SGF29: variants seen among roughly 807,000 people sequenced by gnomAD.
SGF29 encodes the protein SAGA complex associated factor 29, also known as SAGA-associated factor 29.
In SGF29, 15 loss-of-function variants were observed where a neutral mutation model predicts 38.1. That is an observed-to-expected ratio of 0.39 (90% CI 0.26 to 0.61). The LOEUF (loss-of-function observed/expected upper bound fraction) is 0.61. Ranked by LOEUF, SGF29 falls within the 20% of genes least tolerant of loss-of-function variation. The probability of loss-of-function intolerance (pLI) is 0.49; values close to 1 mark genes in which losing one functional copy is unlikely to be tolerated. For synonymous variants in SGF29, 151 were observed against 160.8 expected (o/e 0.94, Z 0.46); for missense variants, 184 against 394.6 (o/e 0.47, Z 4.52).
chr16:28,585,058 C>CACCTCGGTCACA, intron 3 of SGF29, 70 bp downstream of exon 3: 1 of 1,185,834 alleles, frequency 8.4e-7, no homozygotes, highest in Non-Finnish European at 1.2e-6. Context: ...AGACTGTGAC[C>CACCTCGGTCACA]GAGGTGGTCA....
At chr16:28,555,229 C>G (rs1464351267) in intron 1 of SGF29, among the ~76,000 whole-genome samples, 2 of 151,858 alleles carry the variant, frequency 1.3e-5, no homozygotes, top group Non-Finnish European at 2.9e-5. Context: ...TTTGGGAGGC[C>G]GAGGTGGGCA....
chr16:28,586,272 C>T (rs920058385), intron 4 of SGF29, among the ~76,000 whole-genome samples: 6 of 151,938 alleles, frequency 3.9e-5, no homozygotes, highest in East Asian at 1.9e-4. Flanking sequence ...ATCTTAAGGC[C>T]GGGCAGGCAC....
chr16:28,560,938 G>C (rs1324453681), intron 1 of SGF29, among the ~76,000 whole-genome samples: 1 of 145,482 alleles, frequency 6.9e-6, no homozygotes, highest in Non-Finnish European at 1.5e-5. Context: ...TCCAGCCTGG[G>C]TGACAGAGCA....
chr16:28,589,432 C>A (rs778719203), intron 5 of SGF29: 26 of 451,502 alleles, frequency 5.8e-5, no homozygotes, highest in Middle Eastern at 1.3e-3. Context: ...CTGGGCCAGT[C>A]GCCCCCTCCT....
intron 1 of SGF29, among the ~76,000 whole-genome samples, chr16:28,567,783 C>A (rs1240897787): frequency 6.6e-6 from 1 of 152,054 alleles, no homozygotes; most frequent in Non-Finnish European, 1.5e-5. Context: ...TTAGTGGAAA[C>A]TGGGGGAAAG....
chr16:28,578,856 C>T (rs996165498), intron 1 of SGF29, among the ~76,000 whole-genome samples: 1 of 151,998 alleles, frequency 6.6e-6, no homozygotes, highest in Non-Finnish European at 1.5e-5. Context: ...GCAGGTGAAT[C>T]GCTTGAACCC....
At chr16:28,574,104 T>G (rs1484577064) in intron 1 of SGF29, among the ~76,000 whole-genome samples, 1 of 152,154 alleles carries the variant, frequency 6.6e-6, no homozygotes, top group Non-Finnish European at 1.5e-5. Context: ...AGAATTCGAC[T>G]TGGGCACAAG....
rs531259724 is a variant in SGF29, at chr16:28,572,389, C to G, written c.-15-8666C>G. Among the ~76,000 whole-genome samples, 105 of 152,332 alleles carry G rather than the reference C, an allele frequency of 6.9e-4. 1 individual carries two copies. Among genetic ancestry groups the G allele is most frequent in the African/African-American group, 2.4e-3 (100 of 41,566 alleles). ...GGTTCAAGCAGCTCTCCTGCCTCAG[C>G]CTCCGAGTAGCTGGGATTACAGGCA... On this transcript the variant is annotated intron_variant, in intron 1 of 9. Coordinates refer to ENST00000317058, the MANE Select transcript of SGF29 (RefSeq NM_138414.3).
At chr16:28,564,902 AAG>A (rs1455998372) in intron 1 of SGF29, among the ~76,000 whole-genome samples, 2 of 150,864 alleles carry the variant, frequency 1.3e-5, no homozygotes, top group African/African-American at 2.4e-5. Context: ...AAGCTGAGGA[AAG>A]AGAGAAGCTG....
At chr16:28,557,159 G>A (rs778692890) in intron 1 of SGF29, among the ~76,000 whole-genome samples, 1 of 152,130 alleles carries the variant, frequency 6.6e-6, no homozygotes, top group South Asian at 2.1e-4. Flanking sequence ...TTTAGGCTGG[G>A]TATTAGTGGT....
At chr16:28,570,148 G>A (rs2046856727) in intron 1 of SGF29, among the ~76,000 whole-genome samples, 1 of 152,204 alleles carries the variant, frequency 6.6e-6, no homozygotes, top group South Asian at 2.1e-4. Flanking sequence ...TCCAGCCTGG[G>A]AGAGCCACAG....
chr16:28,579,196 C>T (rs1177331694), intron 1 of SGF29, among the ~76,000 whole-genome samples: 1 of 151,862 alleles, frequency 6.6e-6, no homozygotes, highest in African/African-American at 2.4e-5. Flanking sequence ...TCTATTTTCA[C>T]CTACTTGTAA....
rs2046991548 is a variant in SGF29, at chr16:28,591,566, C to T, written c.766-24C>T. ...CCTGGCCTGGGGGTCTCTGAGCAGC[C>T]CCTCCTGTCTGCCTGCCCCACAGCC... On this transcript the variant is annotated intron_variant, in intron 9 of 9. Transcript: ENST00000317058. 3 of 1,548,306 alleles carry T rather than the reference C, an allele frequency of 1.9e-6. No homozygotes were observed. The East Asian group carries it at 6.7e-5, about 35-fold the overall frequency.
chr16:28,572,015 T>C (rs1395991316), intron 1 of SGF29, among the ~76,000 whole-genome samples: 2 of 152,352 alleles, frequency 1.3e-5, no homozygotes, highest in Middle Eastern at 3.4e-3. Flanking sequence ...AGTCTCGCAC[T>C]GTTGCCCGGA....
At position 28,581,194 on chromosome 16, in the gene SGF29, C is replaced by T. The variant is rs1316617333; in HGVS notation, c.75+50C>T. On this transcript the variant is annotated intron_variant, in intron 2 of 9. Transcript: ENST00000317058. ...CCAGATGGGAACATGGGCTTTGATG[C>T]TGAGCCGTGAAGTGGGGGTGGCATT... is the stretch of plus-strand genomic sequence containing the variant. The T allele has an allele frequency of 1.9e-6, 3 of 1,553,740 alleles. No individual in the cohort carries two copies. The Admixed American group carries it at 5.1e-5, about 27-fold the overall frequency.
Position 28,590,491 on chromosome 16 carries a change from G to A in SGF29, c.566+49G>A, listed in dbSNP as rs184895137. ...TGCTCTCTGGTCACCGAACTTGCCT[G>A]GGCTACGGGAGAAAAGCTCTGCAGA... On this transcript the variant is annotated intron_variant, in intron 7 of 9. Coordinates refer to ENST00000317058, the MANE Select transcript of SGF29 (RefSeq NM_138414.3). This position sits in a 1 kb window ranked among gnomAD's most constrained non-coding sequence, Gnocchi z 8.2. The A allele has an allele frequency of 0.011, 17,182 of 1,613,786 alleles. 121 individuals carry two copies. Among genetic ancestry groups the A allele is most frequent in the Non-Finnish European group, 0.012 (14,155 of 1,179,834 alleles).
intron 1 of SGF29, among the ~76,000 whole-genome samples, chr16:28,570,363 C>G (rs2046857573): frequency 6.6e-6 from 1 of 152,070 alleles, no homozygotes; most frequent in Non-Finnish European, 1.5e-5. Flanking sequence ...GACCTATTAC[C>G]CCTTTCTTCT....
intron 1 of SGF29, among the ~76,000 whole-genome samples, chr16:28,561,324 AGAGTTG>A (rs906636697): frequency 3.9e-5 from 6 of 152,034 alleles, no homozygotes; most frequent in Admixed American, 1.3e-4. Context: ...CCTGAGGTCA[AGAGTTG>A]GAGACCAGCC....
chr16:28,555,615 C>CT (rs2046745801), intron 1 of SGF29, among the ~76,000 whole-genome samples: 1 of 152,210 alleles, frequency 6.6e-6, no homozygotes, highest in African/African-American at 2.4e-5. Flanking sequence ...ATTATAGAGG[C>CT]TGAGAAGTCC....
Sources: allele counts gnomAD v4.1 joint callset (sites outside exome capture counted in the v4.1 genomes callset), GRCh38; gene constraint gnomAD v4.1.1; non-coding constraint Gnocchi (gnomAD v3.1); transcripts MANE v1.5; gene names NCBI Gene and HGNC (gene_info 2026-07-23, HGNC 2026-07-21).